The following SOX5 variants were observed in gnomAD, a reference collection of about 807,000 sequenced individuals.
The protein encoded by SOX5 is transcription factor SOX-5.
In SOX5, 9 loss-of-function variants were observed where a neutral mutation model predicts 92.0. That is an observed-to-expected ratio of 0.10 (90% CI 0.06 to 0.17). The LOEUF (loss-of-function observed/expected upper bound fraction) is 0.17, where lower values mean the gene tolerates loss of function less well. Among genes scored for constraint, SOX5 ranks in the 10% least tolerant of loss-of-function variants. The pLI, the probability that SOX5 is intolerant of heterozygous loss-of-function variation, is 1.00. For missense variants in SOX5, 642 were observed against 944.5 expected (o/e 0.68, Z 4.20); for synonymous variants, 344 against 336.3 (o/e 1.02, Z -0.25).
At chr12:24,555,896 A>G (rs1252742446) in intron 1 of SOX5, among the ~76,000 whole-genome samples, 2 of 152,106 alleles carry the variant, frequency 1.3e-5, no homozygotes, top group Non-Finnish European at 2.9e-5. Flanking sequence ...TACTTCCCCA[A>G]CTGCTTCCCC....
intron 3 of SOX5, among the ~76,000 whole-genome samples, chr12:23,825,426 G>T (rs996166131): frequency 6.6e-6 from 1 of 152,228 alleles, no homozygotes; most frequent in African/African-American, 2.4e-5. Flanking sequence ...CAGTCCCACT[G>T]AGATGAACCG....
At chr12:23,838,852 G>GGGGGC (rs2096473241) in intron 3 of SOX5, among the ~76,000 whole-genome samples, 1 of 98,180 alleles carries the variant, frequency 1.0e-5, no homozygotes, top group Non-Finnish European at 2.1e-5. Flanking sequence ...TTGGGGGGGG[G>GGGGGC]GGGCGGGGAT....
At chr12:23,847,942 C>G (rs917743576) in intron 2 of SOX5, among the ~76,000 whole-genome samples, 1 of 152,114 alleles carries the variant, frequency 6.6e-6, no homozygotes, top group Non-Finnish European at 1.5e-5. Context: ...CACACACACA[C>G]AGAGCCCTAA....
intron 2 of SOX5, among the ~76,000 whole-genome samples, chr12:23,880,746 C>T (rs1272634083): frequency 1.3e-5 from 2 of 152,184 alleles, no homozygotes; most frequent in Non-Finnish European, 2.9e-5. Context: ...ACAAGTATGC[C>T]ATCTTGCTTT....
intron 7 of SOX5, among the ~76,000 whole-genome samples, chr12:23,662,285 T>C (rs536844174): frequency 1.3e-5 from 2 of 152,262 alleles, no homozygotes; most frequent in African/African-American, 4.8e-5. Flanking sequence ...AATAACTAGA[T>C]ATGGATCCAT....
chr12:24,461,427 A>C (rs577709817), intron 1 of SOX5, among the ~76,000 whole-genome samples: 1 of 152,178 alleles, frequency 6.6e-6, no homozygotes, highest in Non-Finnish European at 1.5e-5. Context: ...TTTTTGCCCA[A>C]ATGCATAAAA....
intron 1 of SOX5, among the ~76,000 whole-genome samples, chr12:24,382,533 G>A (rs952371773): frequency 3.9e-5 from 6 of 152,182 alleles, no homozygotes; most frequent in African/African-American, 1.2e-4. Flanking sequence ...ACTCCCCTGA[G>A]GTAGGAAGCC....
intron 1 of SOX5, among the ~76,000 whole-genome samples, chr12:24,522,124 A>G (rs894204030): frequency 1.3e-5 from 2 of 152,038 alleles, no homozygotes; most frequent in Admixed American, 1.3e-4. Flanking sequence ...AAAAAAGATC[A>G]TAAGAAACTA....
chr12:24,494,830 C>T (rs899466352), intron 1 of SOX5, among the ~76,000 whole-genome samples: 2 of 151,780 alleles, frequency 1.3e-5, no homozygotes, highest in African/African-American at 2.4e-5. Context: ...AAAAAAATAC[C>T]CCCAAAAAAC....
intron 4 of SOX5, among the ~76,000 whole-genome samples, chr12:24,017,611 T>C (rs1203093348): frequency 1.3e-5 from 2 of 150,754 alleles, no homozygotes; most frequent in East Asian, 1.9e-4. Context: ...AAAAATAAAA[T>C]AAAATAAAAT....
At chr12:24,180,655 C>A (rs1015692264) in intron 4 of SOX5, among the ~76,000 whole-genome samples, 2 of 152,168 alleles carry the variant, frequency 1.3e-5, no homozygotes, top group African/African-American at 4.8e-5. Flanking sequence ...TCTTCTTCAT[C>A]CTTTTCCCCT....
intron 3 of SOX5, among the ~76,000 whole-genome samples, chr12:24,261,745 C>T (rs1472745218): frequency 6.6e-6 from 1 of 152,322 alleles, no homozygotes; most frequent in East Asian, 1.9e-4. Context: ...TTTGTGCATC[C>T]TGTCTCAGTT....
At chr12:23,625,699 T>A (rs1273553401) in intron 8 of SOX5, among the ~76,000 whole-genome samples, 2 of 152,178 alleles carry the variant, frequency 1.3e-5, no homozygotes, top group Non-Finnish European at 2.9e-5. Flanking sequence ...AACCTCTGCG[T>A]CCTGGGTTCA....
intron 1 of SOX5, among the ~76,000 whole-genome samples, chr12:23,942,186 C>T (rs1471724731): frequency 6.6e-6 from 1 of 151,596 alleles, no homozygotes; most frequent in Non-Finnish European, 1.5e-5. Context: ...TTGTGTTCTC[C>T]TAGGTGAAGG....
chr12:24,224,344 T>C (rs1458791578), intron 3 of SOX5, among the ~76,000 whole-genome samples: 1 of 151,856 alleles, frequency 6.6e-6, no homozygotes, highest in Non-Finnish European at 1.5e-5. Flanking sequence ...TTTTTTTCTT[T>C]CTTTTTTTTT....
At chr12:24,252,606 T>C (rs1329163874) in intron 3 of SOX5, among the ~76,000 whole-genome samples, 1 of 152,098 alleles carries the variant, frequency 6.6e-6, no homozygotes, top group African/African-American at 2.4e-5. Flanking sequence ...ACCTCTTTTA[T>C]TCTTGTAAGT....
intron 9 of SOX5, chr12:23,582,109 A>G: frequency 1.0e-6 from 1 of 974,196 alleles, no homozygotes; most frequent in Non-Finnish European, 1.2e-6. Flanking sequence ...TAACCTAAGT[A>G]GGGAAGTTAC....
intron 1 of SOX5, among the ~76,000 whole-genome samples, chr12:23,896,514 A>G (rs752222671): frequency 1.3e-5 from 2 of 152,180 alleles, no homozygotes; most frequent in Non-Finnish European, 2.9e-5. Flanking sequence ...AAGTAAGATT[A>G]TTGTAAAATG....
intron 1 of SOX5, among the ~76,000 whole-genome samples, chr12:24,527,356 A>G (rs1950807269): frequency 6.6e-6 from 1 of 152,234 alleles, no homozygotes; most frequent in African/African-American, 2.4e-5. Flanking sequence ...ATAAAGGATC[A>G]GAAGAGAGAG....
Sources: allele counts gnomAD v4.1 joint callset (sites outside exome capture counted in the v4.1 genomes callset), GRCh38; gene constraint gnomAD v4.1.1; transcripts MANE v1.5; gene names NCBI Gene and HGNC (gene_info 2026-07-23, HGNC 2026-07-21).